Variants in BMPR1A observed in about 807,000 individuals in gnomAD.
BMPR1A encodes the protein bone morphogenetic protein receptor type-1A.
Under a neutral mutation model 66.0 loss-of-function variants are expected in BMPR1A, and 7 were observed. That is an observed-to-expected ratio of 0.11 (90% CI 0.06 to 0.20). The LOEUF (loss-of-function observed/expected upper bound fraction) is 0.20, where lower values mean the gene tolerates loss of function less well. Ranked by LOEUF, BMPR1A falls within the 10% of genes least tolerant of loss-of-function variation. The pLI is 1.00. For missense variants in BMPR1A, 408 were observed against 669.1 expected, an observed-to-expected ratio of 0.61 and a Z score of 4.31; for synonymous variants, 200 against 229.7, an observed-to-expected ratio of 0.87 and a Z score of 1.17.
intron 3 of BMPR1A, among the ~76,000 whole-genome samples, chr10:86,888,939 G>A (rs924049310): frequency 4.6e-5 from 7 of 150,576 alleles, no homozygotes; most frequent in African/African-American, 1.7e-4. Flanking sequence ...GATATTTTTT[G>A]TCTTTTCAGT....
At position 86,767,288 on chromosome 10, in the gene BMPR1A, C is replaced by T. The variant is rs185155039; in HGVS notation, c.-268+10369C>T. 2.7e-3 allele frequency among the ~76,000 whole-genome samples: 418 copies of T among 152,286 alleles called. 1 individual carries two copies. The highest frequency in any genetic ancestry group is 4.6e-3 in the Non-Finnish European group (312 of 68,022). On this transcript the variant is annotated intron_variant, in intron 1 of 12. Coordinates refer to ENST00000372037, the MANE Select transcript of BMPR1A (RefSeq NM_004329.3). ...CTTTGATTTTTGTGCTAAAATATTTCGTATTGCTAACAGTACACATGCATG... is the reference window on the plus strand; with the variant it reads ...CTTTGATTTTTGTGCTAAAATATTTTGTATTGCTAACAGTACACATGCATG...
chr10:86,914,864 C>T (rs1843541593), intron 8 of BMPR1A, among the ~76,000 whole-genome samples: 1 of 152,024 alleles, frequency 6.6e-6, no homozygotes, highest in South Asian at 2.1e-4. Flanking sequence ...AATTATTTAC[C>T]CAAGAGATAT....
chr10:86,822,638 A>AT (rs1842136678), intron 1 of BMPR1A, among the ~76,000 whole-genome samples: 1 of 149,578 alleles, frequency 6.7e-6, no homozygotes, highest in Non-Finnish European at 1.5e-5. Flanking sequence ...TTTTATTTTT[A>AT]TTTTTATTTT....
intron 1 of BMPR1A, among the ~76,000 whole-genome samples, chr10:86,771,432 C>T (rs1841259255): frequency 6.6e-6 from 1 of 152,136 alleles, no homozygotes; most frequent in Non-Finnish European, 1.5e-5. Context: ...TACTCTGAAT[C>T]GATTTAACCT....
intron 5 of BMPR1A, among the ~76,000 whole-genome samples, chr10:86,896,623 G>C (rs2098050220): frequency 6.6e-6 from 1 of 152,094 alleles, no homozygotes; most frequent in African/African-American, 2.4e-5. Flanking sequence ...TTAAAATGAT[G>C]ATAATGGGTA....
intron 1 of BMPR1A, among the ~76,000 whole-genome samples, chr10:86,838,277 A>G (rs1842379242): frequency 6.6e-6 from 1 of 152,144 alleles, no homozygotes; most frequent in Non-Finnish European, 1.5e-5. Flanking sequence ...TATCTTTTAG[A>G]TTTATGAATG....
intron 2 of BMPR1A, among the ~76,000 whole-genome samples, chr10:86,842,839 C>T (rs1842442925): frequency 6.6e-6 from 1 of 152,008 alleles, no homozygotes; most frequent in South Asian, 2.1e-4. Flanking sequence ...CTTACAAAAT[C>T]ATCAGATCTT....
intron 3 of BMPR1A, among the ~76,000 whole-genome samples, chr10:86,888,213 C>T (rs1843096916): frequency 6.6e-6 from 1 of 151,294 alleles, no homozygotes; most frequent in African/African-American, 2.4e-5. Flanking sequence ...CCTGTAATCC[C>T]AGCACTTTGG....
intron 11 of BMPR1A, among the ~76,000 whole-genome samples, chr10:86,922,049 C>G (rs1043240095): frequency 1.3e-5 from 2 of 152,130 alleles, no homozygotes; most frequent in African/African-American, 4.8e-5. Flanking sequence ...AACATCCCCC[C>G]CCATCTGCTG....
intron 1 of BMPR1A, among the ~76,000 whole-genome samples, chr10:86,811,708 T>C (rs1039136600): frequency 3.3e-5 from 5 of 152,242 alleles, no homozygotes; most frequent in African/African-American, 1.2e-4. Flanking sequence ...GTCTCTGTGA[T>C]ATTATTTTAG....
At chr10:86,855,904 C>G in intron 2 of BMPR1A, 2 of 661,082 alleles carry the variant, frequency 3.0e-6, no homozygotes, top group Non-Finnish European at 5.5e-6. Flanking sequence ...GCTTTTCAAA[C>G]TGGCTAGGAT....
chr10:86,899,761 C>A (rs1224808268), intron 5 of BMPR1A, 33 bp from the exon 6 acceptor site: 3 of 1,585,198 alleles, frequency 1.9e-6, no homozygotes, highest in Non-Finnish European at 2.6e-6. Flanking sequence ...AAATACCAAA[C>A]CATTTCTAAT....
intron 1 of BMPR1A, among the ~76,000 whole-genome samples, chr10:86,776,710 A>G (rs1166000279): frequency 6.6e-6 from 1 of 152,184 alleles, no homozygotes; most frequent in African/African-American, 2.4e-5. Flanking sequence ...GTAGTTTTCC[A>G]TGGAACCTTG....
intron 2 of BMPR1A, among the ~76,000 whole-genome samples, chr10:86,862,970 T>A (rs1842731755): frequency 7.0e-6 from 1 of 143,760 alleles, no homozygotes; most frequent in African/African-American, 2.8e-5. Flanking sequence ...TTATACTATT[T>A]GAGCTGCCTT....
At chr10:86,804,377 C>G (rs1033194969) in intron 1 of BMPR1A, among the ~76,000 whole-genome samples, 3 of 152,052 alleles carry the variant, frequency 2.0e-5, no homozygotes, top group Non-Finnish European at 4.4e-5. Context: ...GTAGCTGGGA[C>G]TACAGGCACC....
upstream of BMPR1A, chr10:86,756,291 C>CA (rs894602881): frequency 6.6e-5 from 10 of 152,186 alleles, no homozygotes; most frequent in African/African-American, 2.2e-4. Flanking sequence ...ACCCGGGCGG[C>CA]AGCTGTGGGG....
intron 1 of BMPR1A, among the ~76,000 whole-genome samples, chr10:86,781,162 G>A (rs563494361): frequency 1.3e-5 from 2 of 152,208 alleles, no homozygotes; most frequent in East Asian, 1.9e-4. Flanking sequence ...CTCTCATTTC[G>A]AATCTTACAC....
At chr10:86,880,069 G>C (rs1842967254) in intron 3 of BMPR1A, among the ~76,000 whole-genome samples, 1 of 152,184 alleles carries the variant, frequency 6.6e-6, no homozygotes, top group Non-Finnish European at 1.5e-5. Context: ...CCTGCTTTCT[G>C]TTAGTATGGA....
rs1445990093 is a variant in BMPR1A at position 86,926,498 on chromosome 10, C to T, written c.*2779C>T. 1 of 164,684 alleles carries T rather than the reference C, an allele frequency of 6.1e-6. No homozygotes were observed. The highest frequency in any genetic ancestry group is 2.4e-5 in the African/African-American group (1 of 41,838). 10.2% of individuals were successfully genotyped at this position (164,684 alleles called of 1,614,324 possible). A position where few individuals can be genotyped will look rare whatever the true frequency, so the allele number is the denominator to read the frequency against. ...TCGTGTCACTGCACTCCAGCCTGGG[C>T]AAAAGAGCGAAACTCCATCTCAAAT... On this transcript the variant is annotated 3_prime_UTR_variant, in exon 13 of 13. Transcript: ENST00000372037.
Sources: allele counts gnomAD v4.1 joint callset (sites outside exome capture counted in the v4.1 genomes callset), GRCh38; gene constraint gnomAD v4.1.1; transcripts MANE v1.5; gene names NCBI Gene and HGNC (gene_info 2026-07-23, HGNC 2026-07-21).